The following CCDC117 variants were observed in gnomAD, a reference collection of about 807,000 sequenced individuals.
The protein encoded by CCDC117 is coiled-coil domain-containing protein 117.
In CCDC117, 1 loss-of-function variant was observed where a neutral mutation model predicts 23.5. That is an observed-to-expected ratio of 0.04 (90% CI 0.02 to 0.20). The LOEUF (loss-of-function observed/expected upper bound fraction) is 0.20, where lower values mean the gene tolerates loss of function less well. Ranked by LOEUF, CCDC117 falls within the 10% of genes least tolerant of loss-of-function variation. CCDC117 has a pLI of 1.00. For synonymous variants in CCDC117, 132 were observed against 124.8 expected (o/e 1.06, Z -0.39); for missense variants, 383 against 348.2 (o/e 1.10, Z -0.80).
At chr22:28,782,178 G>A (rs1302741691) in intron 3 of CCDC117, among the ~76,000 whole-genome samples, 1 of 143,438 alleles carries the variant, frequency 7.0e-6, no homozygotes, top group Non-Finnish European at 1.5e-5. Flanking sequence ...GCTCGAGCAA[G>A]CCGCCTGCCT....
chr22:28,784,578 C>G (rs2031455227), intron 4 of CCDC117, among the ~76,000 whole-genome samples: 1 of 152,182 alleles, frequency 6.6e-6, no homozygotes. Context: ...GCTAGAAGTT[C>G]AGCTGCTATT....
At chr22:28,779,897 G>A (rs2146249826) in intron 2 of CCDC117, among the ~76,000 whole-genome samples, 1 of 152,344 alleles carries the variant, frequency 6.6e-6, no homozygotes, top group Non-Finnish European at 1.5e-5. Flanking sequence ...GTACATAATA[G>A]AACAGGGCCG....
intron 3 of CCDC117, among the ~76,000 whole-genome samples, 197 bp downstream of exon 3, chr22:28,781,369 G>T (rs1325287682): frequency 9.2e-3 from 3 of 326 alleles, no homozygotes; most frequent in Non-Finnish European, 0.023. Flanking sequence ...TTTTTTTTTT[G>T]AGACGGAGTC....
chr22:28,777,152 C>T (rs2031188857), intron 2 of CCDC117, among the ~76,000 whole-genome samples: 1 of 151,554 alleles, frequency 6.6e-6, no homozygotes, highest in Admixed American at 6.6e-5. Flanking sequence ...GATTCTCCTG[C>T]CTCAGCCTCC....
intron 3 of CCDC117, among the ~76,000 whole-genome samples, chr22:28,781,753 C>T (rs1160197481): frequency 6.6e-6 from 1 of 152,072 alleles, no homozygotes; most frequent in Non-Finnish European, 1.5e-5. Context: ...AAGTGATTCT[C>T]CTGCCCCAGC....
chr22:28,785,634 A>G (rs1373329118), intron 4 of CCDC117, among the ~76,000 whole-genome samples: 1 of 152,204 alleles, frequency 6.6e-6, no homozygotes, highest in African/African-American at 2.4e-5. Context: ...AAAATTTCCA[A>G]CAATCAAGGG....
chr22:28,781,350 T>TTTG (rs1365124738), intron 3 of CCDC117, among the ~76,000 whole-genome samples, 178 bp downstream of exon 3: 1 of 12,592 alleles, frequency 7.9e-5, no homozygotes, highest in Non-Finnish European at 1.2e-4. Context: ...TTTTTTTTTT[T>TTTG]TTTTTTTTTT....
chr22:28,781,973 G>A (rs999981598), intron 3 of CCDC117, among the ~76,000 whole-genome samples: 1 of 130,206 alleles, frequency 7.7e-6, no homozygotes, highest in Non-Finnish European at 1.6e-5. Context: ...AATTGATACA[G>A]GGTCTTGCTT....
chr22:28,773,629 TG>T, intron 1 of CCDC117, 95 bp from the exon 2 acceptor site: 2 of 971,644 alleles, frequency 2.1e-6, no homozygotes, highest in Middle Eastern at 2.1e-4. Context: ...GTTTGGTATG[TG>T]GGGATGAGCA....
rs1375994647 is a variant in CCDC117 at position 28,788,004 on chromosome 22, G to A, written c.*1678G>A. 2.6e-5 allele frequency: 4 copies of A among 152,606 alleles called. No individual in the cohort carries two copies. The highest frequency in any genetic ancestry group is 4.8e-5 in the African/African-American group (2 of 41,442). The allele number at this position is 152,606 out of a possible 1,614,324, so 9.5% of individuals were successfully genotyped here. A position where few individuals can be genotyped will look rare whatever the true frequency, so the allele number is the denominator to read the frequency against. On this transcript the variant is annotated 3_prime_UTR_variant, in exon 5 of 5. Coordinates refer to ENST00000249064, the MANE Select transcript of CCDC117 (RefSeq NM_173510.4). Reference sequence around the variant, plus strand: ...AAGTCACAAGTCTGTTAATTGGACTGTTGCTTCTTTGCCTGTTCCTGCTTT... The same window carrying A: ...AAGTCACAAGTCTGTTAATTGGACTATTGCTTCTTTGCCTGTTCCTGCTTT...
chr22:28,783,428 T>C, intron 3 of CCDC117, 80 bp from the exon 4 acceptor site: 1 of 1,402,752 alleles, frequency 7.1e-7, no homozygotes, highest in Non-Finnish European at 9.7e-7. Flanking sequence ...TTTTTATTTT[T>C]AAAATTTTGT....
intron 3 of CCDC117, among the ~76,000 whole-genome samples, chr22:28,781,832 G>T (rs926109759): frequency 6.7e-6 from 1 of 150,212 alleles, no homozygotes; most frequent in African/African-American, 2.4e-5. Flanking sequence ...TAATAGAGAT[G>T]GGGTTTCTCC....
Position 28,786,606 on chromosome 22 carries a change from T to C in CCDC117, c.*280T>C, listed in dbSNP as rs2031518879. 2 of 330,368 alleles carry C rather than the reference T, an allele frequency of 6.1e-6. No homozygotes were observed. Among genetic ancestry groups the C allele is most frequent in the Non-Finnish European group, 5.6e-6 (1 of 178,612 alleles). 20.5% of individuals were successfully genotyped at this position (330,368 alleles called of 1,614,324 possible). On this transcript the variant is annotated 3_prime_UTR_variant, in exon 5 of 5. Coordinates refer to ENST00000249064, the MANE Select transcript of CCDC117 (RefSeq NM_173510.4). ...AAGACAAGTATAGAAGCTGTATGTG[T>C]AAGGGTGACTTAAATCATATGTCAC...
chr22:28,777,067 C>T (rs1335891383), intron 2 of CCDC117, among the ~76,000 whole-genome samples: 3 of 134,776 alleles, frequency 2.2e-5, no homozygotes, highest in Non-Finnish European at 3.1e-5. Flanking sequence ...TGGCATCTTG[C>T]TCTGTTGTCC....
intron 2 of CCDC117, among the ~76,000 whole-genome samples, chr22:28,775,605 A>C (rs1487901316): frequency 6.6e-6 from 1 of 151,974 alleles, no homozygotes; most frequent in Non-Finnish European, 1.5e-5. Flanking sequence ...AGTCTAATAG[A>C]AAAAGAAGTA....
chr22:28,782,791 G>C (rs1040088445), intron 3 of CCDC117, among the ~76,000 whole-genome samples: 1 of 151,958 alleles, frequency 6.6e-6, no homozygotes, highest in African/African-American at 2.4e-5. Context: ...AGGCTGGTCT[G>C]GAGCTTCTGG....
At position 28,787,513 on chromosome 22, in the gene CCDC117, G is replaced by A. The variant is rs2031552870; in HGVS notation, c.*1187G>A. Reference sequence around the variant, plus strand: ...AAAATATATGAGCAGGTGACATTGAGGTTTACTGAAATAGCCAATTTGACT... The same window carrying A: ...AAAATATATGAGCAGGTGACATTGAAGTTTACTGAAATAGCCAATTTGACT... On this transcript the variant is annotated 3_prime_UTR_variant, in exon 5 of 5. Transcript: ENST00000249064. 1 of 152,172 alleles carries A rather than the reference G, an allele frequency of 6.6e-6. No homozygotes were observed. The highest frequency in any genetic ancestry group is 2.4e-5 in the African/African-American group (1 of 41,414). 9.4% of individuals were successfully genotyped at this position (152,172 alleles called of 1,614,324 possible).
rs2031566341 is a variant in CCDC117 at position 28,787,942 on chromosome 22, C to G, written c.*1616C>G. ...CCACCTTCTAGGCGTTTTTGGAACCCTTACTGAAATCCCTCCCCTTGTTAC... is the reference window on the plus strand; with the variant it reads ...CCACCTTCTAGGCGTTTTTGGAACCGTTACTGAAATCCCTCCCCTTGTTAC... On this transcript the variant is annotated 3_prime_UTR_variant, in exon 5 of 5. Coordinates refer to ENST00000249064, the MANE Select transcript of CCDC117 (RefSeq NM_173510.4). 1 of 152,572 alleles carries G rather than the reference C, an allele frequency of 6.6e-6. No individual in the cohort carries two copies. Among genetic ancestry groups the G allele is most frequent in the African/African-American group, 2.4e-5 (1 of 41,430 alleles). 9.5% of individuals were successfully genotyped at this position (152,572 alleles called of 1,614,324 possible).
chr22:28,781,342 T>TTTTTTG (rs2031322123), intron 3 of CCDC117, among the ~76,000 whole-genome samples, 170 bp downstream of exon 3: 1 of 5,778 alleles, frequency 1.7e-4, no homozygotes. Flanking sequence ...TTTGTTTTTT[T>TTTTTTG]TTTTTTTTTT....
Sources: allele counts gnomAD v4.1 joint callset (sites outside exome capture counted in the v4.1 genomes callset), GRCh38; gene constraint gnomAD v4.1.1; transcripts MANE v1.5; gene names NCBI Gene and HGNC (gene_info 2026-07-23, HGNC 2026-07-21).